Variants in TMX3 observed in about 807,000 individuals in gnomAD.
The protein encoded by TMX3 is thioredoxin related transmembrane protein 3.
In TMX3, 40 loss-of-function variants were observed where a neutral mutation model predicts 64.4. The ratio of observed to expected loss-of-function variants is 0.62; its 90% CI spans 0.48 to 0.81. The LOEUF is 0.81. TMX3 is among the 30% of genes least tolerant of loss of function. TMX3 has a pLI of 0.00. For missense variants in TMX3, 497 were observed against 534.5 expected, an observed-to-expected ratio of 0.93 and a Z score of 0.69; for synonymous variants, 189 against 175.7, an observed-to-expected ratio of 1.08 and a Z score of -0.60.
At chr18:68,708,035 G>GTA (rs1568203433) in intron 4 of TMX3, among the ~76,000 whole-genome samples, 2 of 145,426 alleles carry the variant, frequency 1.4e-5, no homozygotes, top group South Asian at 2.1e-4. Flanking sequence ...GTGTATATGT[G>GTA]TATATATGTG....
Position 68,681,062 on chromosome 18 carries a change from T to G in TMX3, c.954A>C (p.Gln318His). The change falls in exon 14 of 16, where the codon CAA becomes CAC. Residue 318 changes from glutamine to histidine, a missense_variant. Physicochemically the swap from Gln to His is conservative, Grantham distance 24 (BLOSUM62 0). This residue lies in a region of TMX3 where 360 missense variants were observed against 383.5 expected (regional missense o/e 0.94). Transcript: ENST00000299608. The stretch of plus-strand genomic sequence containing the variant: ...TAATCTGTCTATCTAGCAAGAAATA[T>G]TGCTGGTTTGAAGTATTCAGTACAA... ...TVVVLNTSNQ[Q>H]YFLLDRQIKN... 2 of 1,603,146 alleles carry G rather than the reference T, an allele frequency of 1.2e-6. No homozygotes were observed. Among genetic ancestry groups the G allele is most frequent in the Non-Finnish European group, 1.7e-6 (2 of 1,175,330 alleles).
chr18:68,678,401 G>A (rs114829771), intron 15 of TMX3, among the ~76,000 whole-genome samples: 1,688 of 152,156 alleles, frequency 0.011, 38 homozygotes, highest in African/African-American at 0.039. Flanking sequence ...AGCTGGGAGA[G>A]GGAGAACAAT....
intron 9 of TMX3, 120 bp from the exon 10 acceptor site, chr18:68,687,885 GT>G: frequency 1.6e-6 from 1 of 624,306 alleles, no homozygotes; most frequent in Non-Finnish European, 2.5e-6. Flanking sequence ...CATAAATATT[GT>G]TTTTAGGAAT....
chr18:68,690,662 A>G (rs917989362), intron 9 of TMX3, among the ~76,000 whole-genome samples: 8 of 152,232 alleles, frequency 5.3e-5, no homozygotes, highest in Non-Finnish European at 7.3e-5. Flanking sequence ...TGCCATTACA[A>G]TTTGCTTTAA....
chr18:68,678,172 C>A (rs1477612293), intron 15 of TMX3, among the ~76,000 whole-genome samples: 1 of 151,904 alleles, frequency 6.6e-6, no homozygotes, highest in African/African-American at 2.4e-5. Context: ...CTCGTGGCAA[C>A]AGGAAAGTAA....
At chr18:68,692,028 A>G (rs1568187387) in intron 8 of TMX3, among the ~76,000 whole-genome samples, 1 of 152,234 alleles carries the variant, frequency 6.6e-6, no homozygotes, top group African/African-American at 2.4e-5. Context: ...TAAAATAACA[A>G]TAAAATAAAG....
intron 10 of TMX3, among the ~76,000 whole-genome samples, chr18:68,686,309 A>T (rs1044956467): frequency 5.3e-5 from 8 of 152,230 alleles, no homozygotes; most frequent in Non-Finnish European, 8.8e-5. Context: ...GTTGAGCCAA[A>T]GCCACCTGTT....
In TMX3 at chr18:68,691,287, G is replaced by A; in HGVS notation, c.637+8C>T. The A allele has an allele frequency of 6.4e-7, 1 of 1,568,266 alleles. No homozygotes were observed. The highest frequency in any genetic ancestry group is 8.7e-7 in the Non-Finnish European group (1 of 1,149,990). On this transcript the variant is annotated splice_region_variant and intron_variant, in intron 9 of 15. Coordinates refer to ENST00000299608, the MANE Select transcript of TMX3 (RefSeq NM_019022.5). ...ATGTTTTACATGAGTTAAAGATTTG[G>A]AACTTACCATCATAAACAAAGTAAG...
At chr18:68,700,734 T>C (rs748624955) in intron 5 of TMX3, 87 of 984,064 alleles carry the variant, frequency 8.8e-5, no homozygotes, top group Non-Finnish European at 9.8e-5. Flanking sequence ...ATAACTGCAT[T>C]GTATCTACGC....
At chr18:68,706,714 T>G (rs969392396) in intron 4 of TMX3, among the ~76,000 whole-genome samples, 1 of 152,210 alleles carries the variant, frequency 6.6e-6, no homozygotes, top group Non-Finnish European at 1.5e-5. Context: ...CAATGGCAGA[T>G]GACTTGAAAG....
In TMX3 at chr18:68,697,301, C is replaced by T. The variant is rs371357421; in HGVS notation, c.495G>A (p.Glu165=). 211 of 1,541,962 alleles carry T rather than the reference C, an allele frequency of 1.4e-4. No homozygotes were observed. Among genetic ancestry groups the T allele is most frequent in the Non-Finnish European group, 1.8e-4 (200 of 1,138,740 alleles). Residue 165 remains glutamate (E), a splice_region_variant and synonymous_variant, in exon 8 of 16, where the codon GAG becomes GAA. Transcript: ENST00000299608. ...VYVGGESPLK[E]KYIDAASELI... ...ATTCTGAAGCAGCATCTATGTATTT[C>T]TCCTATGAAGATACAAACAGAAAAA...
intron 12 of TMX3, 89 bp downstream of exon 12, chr18:68,684,101 A>C: frequency 1.1e-6 from 1 of 938,040 alleles, no homozygotes; most frequent in Non-Finnish European, 1.7e-6. Context: ...TTCACCTCTA[A>C]AAGCATGAAT....
chr18:68,688,484 T>C (rs1055031129), intron 9 of TMX3: 2 of 152,174 alleles, frequency 1.3e-5, no homozygotes, highest in African/African-American at 4.8e-5. Context: ...TGTTCAAAAT[T>C]ATTACAATTG....
chr18:68,696,589 G>T (rs1915098072), intron 8 of TMX3, among the ~76,000 whole-genome samples: 1 of 152,004 alleles, frequency 6.6e-6, no homozygotes, highest in Non-Finnish European at 1.5e-5. Flanking sequence ...TGATTCTCCT[G>T]CCTCAGCCTC....
chr18:68,712,692 G>GTGA (rs1191295987), intron 2 of TMX3, among the ~76,000 whole-genome samples: 3 of 152,090 alleles, frequency 2.0e-5, no homozygotes, highest in Non-Finnish European at 4.4e-5. Context: ...GAAGTCTGTA[G>GTGA]TGACACACCC....
intron 15 of TMX3, among the ~76,000 whole-genome samples, chr18:68,678,800 A>G (rs369891423): frequency 2.6e-5 from 4 of 152,284 alleles, no homozygotes. Flanking sequence ...CTACTTACAT[A>G]TAACAACTGT....
chr18:68,694,038 C>T (rs1441614818), intron 8 of TMX3, among the ~76,000 whole-genome samples: 1 of 152,130 alleles, frequency 6.6e-6, no homozygotes. Context: ...TTCTGTTGCT[C>T]AATGAAGCTC....
At chr18:68,703,825 G>A (rs2030378097) in intron 4 of TMX3, among the ~76,000 whole-genome samples, 1 of 152,128 alleles carries the variant, frequency 6.6e-6, no homozygotes, top group Non-Finnish European at 1.5e-5. Flanking sequence ...AGCTACTCGG[G>A]AGGCTGAGGC....
chr18:68,714,584 A>C, intron 1 of TMX3: 1 of 373,078 alleles, frequency 2.7e-6, no homozygotes, highest in Non-Finnish European at 4.9e-6. Flanking sequence ...CGGAACCTAA[A>C]GCCAAGGCAA....
Sources: allele counts gnomAD v4.1 joint callset (sites outside exome capture counted in the v4.1 genomes callset), GRCh38; gene constraint gnomAD v4.1.1; regional missense constraint gnomAD v4.1.1; transcripts MANE v1.5; gene names NCBI Gene and HGNC (gene_info 2026-07-23, HGNC 2026-07-21).